TRANK1: variants seen among roughly 807,000 people sequenced by gnomAD.
The protein encoded by TRANK1 is TPR and ankyrin repeat-containing protein 1.
Under a neutral mutation model 266.0 loss-of-function variants are expected in TRANK1, and 198 were observed. The observed-to-expected ratio is 0.74, with a 90% CI of 0.66 to 0.84. The LOEUF (loss-of-function observed/expected upper bound fraction) is 0.84, where lower values mean the gene tolerates loss of function less well. Among genes scored for constraint, TRANK1 ranks in the 40% least tolerant of loss-of-function variants. TRANK1 has a pLI of 0.00. For synonymous variants in TRANK1, 1,396 were observed against 1,384.1 expected (o/e 1.01, Z -0.19); for missense variants, 3,326 against 3,634.6 (o/e 0.92, Z 2.18).
rs141761049 is a variant in TRANK1 at position 36,886,949 on chromosome 3, C to T, written c.907+2880G>A. Reference sequence around the variant, plus strand: ...TGAGACAGAGTCTCGCTCTGTTGCCCAGGCTGTTGTGCAGTGGCGCAATCT... The same window carrying T: ...TGAGACAGAGTCTCGCTCTGTTGCCTAGGCTGTTGTGCAGTGGCGCAATCT... On this transcript the variant is annotated intron_variant, in intron 8 of 23. Transcript: ENST00000645898. Among the ~76,000 whole-genome samples the T allele has an allele frequency of 8.1e-5, 12 of 147,442 alleles. No homozygotes were observed. The East Asian group carries it at 2.2e-3, about 27-fold the overall frequency.
At position 36,889,924 on chromosome 3, in the gene TRANK1, T is replaced by C. The variant is rs757028282; in HGVS notation, c.812A>G (p.Lys271Arg). The change falls in exon 8 of 24, where the codon AAG (lysine) becomes AGG (arginine). Residue 271 changes from lysine to arginine, a missense_variant. Lys to Arg is a conservative substitution (Grantham distance 26). Coordinates refer to ENST00000645898, the MANE Select transcript of TRANK1 (RefSeq NM_001329998.2). ...NHLFRWLMDH[K>R]PEWKGRINQK... is the part of the protein sequence containing the mutation. ...GTTAATGCGGCCTTTCCACTCGGGCTTGTGATCCATTAACCACCGGAAAAG... is the reference window on the plus strand; with the variant it reads ...GTTAATGCGGCCTTTCCACTCGGGCCTGTGATCCATTAACCACCGGAAAAG... The C allele has an allele frequency of 1.2e-5, 19 of 1,537,126 alleles. No homozygotes were observed. In the African/African-American group the frequency reaches 2.2e-4, roughly 18 times the overall value.
chr3:36,850,852 C>A, intron 15 of TRANK1: 18 of 985,366 alleles, frequency 1.8e-5, no homozygotes, highest in Non-Finnish European at 1.8e-5. Context: ...GCCAACAGTG[C>A]TCTTGACTTG....
At chr3:36,844,164 A>T (rs1407147269) in intron 17 of TRANK1, among the ~76,000 whole-genome samples, 1 of 152,142 alleles carries the variant, frequency 6.6e-6, no homozygotes, top group Non-Finnish European at 1.5e-5. Flanking sequence ...TTTCATTTTG[A>T]ATTTTTAAAT....
Position 36,903,339 on chromosome 3 carries a change from C to A in TRANK1, c.156-64G>T, listed in dbSNP as rs2079912224. Reference sequence around the variant, plus strand: ...ATACAGAAAACAGTCTGTGAAGTCCCCCCATTCGGTGCTGGCTGCTGCCAT... The same window carrying A: ...ATACAGAAAACAGTCTGTGAAGTCCACCCATTCGGTGCTGGCTGCTGCCAT... On this transcript the variant is annotated intron_variant, in intron 2 of 23. Coordinates refer to ENST00000645898, the MANE Select transcript of TRANK1 (RefSeq NM_001329998.2). The A allele has an allele frequency of 2.0e-6, 3 of 1,500,380 alleles. No individual in the cohort carries two copies. The Admixed American group carries it at 6.1e-5, about 30-fold the overall frequency. 92.9% of individuals were successfully genotyped at this position (1,500,380 alleles called of 1,614,324 possible). A position where few individuals can be genotyped will look rare whatever the true frequency, so the allele number is the denominator to read the frequency against.
chr3:36,924,520 T>C (rs1348090133), intron 1 of TRANK1, among the ~76,000 whole-genome samples: 1 of 152,212 alleles, frequency 6.6e-6, no homozygotes, highest in Non-Finnish European at 1.5e-5. Context: ...GAGAAATGTG[T>C]AATTTTCTTG....
chr3:36,854,562 C>T (rs923762834), intron 13 of TRANK1, among the ~76,000 whole-genome samples: 2 of 152,154 alleles, frequency 1.3e-5, no homozygotes, highest in Non-Finnish European at 2.9e-5. Context: ...AATATTCCAG[C>T]ATTGGTACCC....
intron 10 of TRANK1, among the ~76,000 whole-genome samples, chr3:36,861,871 A>G (rs2079147779): frequency 6.6e-6 from 1 of 151,836 alleles, no homozygotes; most frequent in Non-Finnish European, 1.5e-5. Context: ...ACACCCGGCT[A>G]CTTTTTTGTA....
chr3:36,828,296 A>G lies in TRANK1; in HGVS notation c.8889T>C (p.Cys2963=). Residue 2963 remains cysteine (C), a synonymous_variant, in exon 24 of 24, where the codon TGT becomes TGC. Transcript: ENST00000645898. ...GACATTAGTATTTTCTCTGCTTTCC[A>G]CATTTCCGAGAACGCCTTCTAGGCC... ...ELRPRRRSRK[C]GKQRKY is the part of the protein sequence containing the mutation. The G allele has an allele frequency of 6.2e-7, 1 of 1,612,368 alleles. No homozygotes were observed.
In TRANK1 at chr3:36,864,398, T is replaced by C. The variant is rs2079184954; in HGVS notation, c.1161A>G (p.Ser387=). Residue 387 remains serine (S), a synonymous_variant, in exon 10 of 24, where the codon TCA becomes TCG. Transcript: ENST00000645898. ...AGTTTTTATGCAATAACCGGTTTCC[T>C]GAGTTCATATACTTCACCAGCTGCT... is the stretch of plus-strand genomic sequence containing the variant. ...VLEQLVKYMN[S]GNRLLHKNFL... is the part of the protein sequence containing the mutation. 1 of 1,537,086 alleles carries C rather than the reference T, an allele frequency of 6.5e-7. No homozygotes were observed. Among genetic ancestry groups the C allele is most frequent in the Non-Finnish European group, 8.7e-7 (1 of 1,146,804 alleles).
At chr3:36,870,422 G>C (rs113165909) in intron 9 of TRANK1, among the ~76,000 whole-genome samples, 1 of 82,234 alleles carries the variant, frequency 1.2e-5, no homozygotes, top group Non-Finnish European at 2.3e-5. Flanking sequence ...AAAAAAAAAA[G>C]AGAGAGAGAG....
At chr3:36,866,330 T>A (rs147993391) in intron 9 of TRANK1, among the ~76,000 whole-genome samples, 1 of 152,334 alleles carries the variant, frequency 6.6e-6, no homozygotes, top group Admixed American at 6.5e-5. Flanking sequence ...AGAGTGGGAA[T>A]ACTTTAAAAG....
In TRANK1 at chr3:36,855,499, A is replaced by G; in HGVS notation, c.4223T>C (p.Phe1408Ser). The change falls in exon 13 of 24, where the codon TTT (phenylalanine) becomes TCT (serine). Residue 1408 changes from phenylalanine to serine, a missense_variant. Phe to Ser is a radical substitution (Grantham distance 155). Coordinates refer to ENST00000645898, the MANE Select transcript of TRANK1 (RefSeq NM_001329998.2). Reference protein sequence around the residue: ...YQQIRSQKGYFDEEDVLYNIS... With the variant: ...YQQIRSQKGYSDEEDVLYNIS... The stretch of plus-strand genomic sequence containing the variant: ...GTTGTACAGAACATCCTCTTCATCA[A>G]AATAACCTTTCTGGGACCTGATTTG... 1 of 1,613,866 alleles carries G rather than the reference A, an allele frequency of 6.2e-7. No homozygotes were observed. The highest frequency in any genetic ancestry group is 8.5e-7 in the Non-Finnish European group (1 of 1,179,874).
At chr3:36,925,133 C>T (rs767762875) in intron 1 of TRANK1, among the ~76,000 whole-genome samples, 14 of 152,146 alleles carry the variant, frequency 9.2e-5, no homozygotes, top group Non-Finnish European at 1.8e-4. Flanking sequence ...AAAGTTTAAC[C>T]TTTTCCTCTC....
chr3:36,895,057 A>G (rs1201839865), intron 5 of TRANK1, among the ~76,000 whole-genome samples: 1 of 152,224 alleles, frequency 6.6e-6, no homozygotes, highest in Non-Finnish European at 1.5e-5. Context: ...ATATAATGCA[A>G]CTTACAAATG....
intron 1 of TRANK1, among the ~76,000 whole-genome samples, chr3:36,911,316 T>G (rs926691147): frequency 2.0e-5 from 3 of 152,224 alleles, no homozygotes; most frequent in African/African-American, 7.2e-5. Context: ...TTTGACAGAA[T>G]TTTAATTTTC....
At chr3:36,907,903 T>G (rs183859306) in intron 2 of TRANK1, among the ~76,000 whole-genome samples, 2 of 152,324 alleles carry the variant, frequency 1.3e-5, no homozygotes, top group African/African-American at 4.8e-5. Flanking sequence ...GATACTACAA[T>G]GTTTGAGAAC....
chr3:36,925,550 T>C (rs1435632298), intron 1 of TRANK1, among the ~76,000 whole-genome samples: 2 of 152,086 alleles, frequency 1.3e-5, no homozygotes, highest in African/African-American at 4.8e-5. Context: ...TTTTTTAACC[T>C]TCCTTAAAAG....
In TRANK1 at chr3:36,859,270, C is replaced by CT. The variant is rs1218580414; in HGVS notation, c.1496-377dup. 8.8e-3 allele frequency among the ~76,000 whole-genome samples: 1,256 copies of CT among 143,234 alleles called. 16 individuals are homozygous for CT. Among genetic ancestry groups the CT allele is most frequent in the African/African-American group, 0.026 (1,022 of 39,482 alleles). 94.0% of individuals were successfully genotyped at this position (143,234 alleles called of 152,430 possible). On this transcript the variant is annotated intron_variant, in intron 11 of 23. Coordinates refer to ENST00000645898, the MANE Select transcript of TRANK1 (RefSeq NM_001329998.2). ...AGGACACTTTCTACATCCCTTGCTTCTTTTTTTTTTTTTTAATACTTTAAG... is the reference window on the plus strand; with the variant it reads ...AGGACACTTTCTACATCCCTTGCTTCTTTTTTTTTTTTTTTAATACTTTAAG...
chr3:36,873,936 G>A (rs1284374633), intron 9 of TRANK1, among the ~76,000 whole-genome samples, 190 bp downstream of exon 9: 6 of 135,896 alleles, frequency 4.4e-5, no homozygotes, highest in Admixed American at 2.3e-4. Flanking sequence ...CTCTAAATAA[G>A]AGCTATCTCA....
Sources: allele counts gnomAD v4.1 joint callset (sites outside exome capture counted in the v4.1 genomes callset), GRCh38; gene constraint gnomAD v4.1.1; transcripts MANE v1.5; gene names NCBI Gene and HGNC (gene_info 2026-07-23, HGNC 2026-07-21).